F13A1: variants seen among roughly 807,000 people sequenced by gnomAD.
F13A1 encodes the protein FSF, A subunit.
F13A1 carries 47 observed loss-of-function variants against 80.1 expected under a neutral mutation model. That is an observed-to-expected ratio of 0.59 (90% CI 0.46 to 0.75). The LOEUF is 0.75. Among genes scored for constraint, F13A1 ranks in the 30% least tolerant of loss-of-function variants. The probability of loss-of-function intolerance (pLI) is 0.00; values close to 1 mark genes in which losing one functional copy is unlikely to be tolerated. For missense variants in F13A1, 817 were observed against 930.4 expected (o/e 0.88, Z 1.59); for synonymous variants, 349 against 344.9 (o/e 1.01, Z -0.13).
At chr6:6,151,642 G>A (rs1760377249) in intron 14 of F13A1, among the ~76,000 whole-genome samples, 171 bp downstream of exon 14, 2 of 152,148 alleles carry the variant, frequency 1.3e-5, no homozygotes, top group African/African-American at 4.8e-5. Flanking sequence ...GAAAGTGCTG[G>A]TCAAACCAAC....
intron 6 of F13A1, among the ~76,000 whole-genome samples, chr6:6,247,161 G>A (rs1319773302): frequency 6.6e-6 from 1 of 152,054 alleles, no homozygotes; most frequent in Non-Finnish European, 1.5e-5. Flanking sequence ...AAATTCACAT[G>A]TAGCTTAGTT....
intron 3 of F13A1, among the ~76,000 whole-genome samples, chr6:6,272,871 C>A (rs1757941230): frequency 1.3e-5 from 2 of 152,180 alleles, no homozygotes; most frequent in Non-Finnish European, 2.9e-5. Flanking sequence ...TTCTTTAAAT[C>A]AATAGAATAA....
At chr6:6,285,679 T>G (rs895315384) in intron 3 of F13A1, among the ~76,000 whole-genome samples, 1 of 152,178 alleles carries the variant, frequency 6.6e-6, no homozygotes, top group African/African-American at 2.4e-5. Flanking sequence ...AGGAGAGGGC[T>G]TCCCCCACTA....
intron 2 of F13A1, among the ~76,000 whole-genome samples, chr6:6,310,216 A>T (rs1320454688): frequency 6.6e-6 from 1 of 152,192 alleles, no homozygotes; most frequent in Non-Finnish European, 1.5e-5. Context: ...ACCAAAGCTG[A>T]TCAGGATTCT....
At chr6:6,208,609 A>G (rs946441353) in intron 8 of F13A1, among the ~76,000 whole-genome samples, 2 of 152,198 alleles carry the variant, frequency 1.3e-5, no homozygotes, top group Non-Finnish European at 2.9e-5. Context: ...CATCATATTC[A>G]AACTGTCAAA....
At chr6:6,313,279 C>CTTTTTTTTTTTTTTTTTTT (rs1331326098) in intron 2 of F13A1, among the ~76,000 whole-genome samples, 2 of 100,350 alleles carry the variant, frequency 2.0e-5, no homozygotes, top group African/African-American at 8.9e-5. Flanking sequence ...TGCTAAGCCG[C>CTTTTTTTTTTTTTTTTTTT]CTTTTTTTTT....
rs1256805635 is a variant in F13A1 at position 6,316,143 on chromosome 6, A to G, written c.130+2392T>C. On this transcript the variant is annotated intron_variant, in intron 2 of 14. Transcript: ENST00000264870. The stretch of plus-strand genomic sequence containing the variant: ...TATATATATATATATATATATATAT[A>G]GTTTTTTTCCTGTCCTTCTCATCTG... Among the ~76,000 whole-genome samples the G allele has an allele frequency of 1.0e-4, 6 of 57,316 alleles. No homozygotes were observed. The South Asian group carries it at 2.4e-3, about 23-fold the overall frequency. The allele number at this position is 57,316 out of a possible 152,430, so 37.6% of individuals were successfully genotyped here. A position where few individuals can be genotyped will look rare whatever the true frequency, so the allele number is the denominator to read the frequency against.
At chr6:6,233,021 A>T (rs1757372775) in intron 6 of F13A1, among the ~76,000 whole-genome samples, 2 of 152,258 alleles carry the variant, frequency 1.3e-5, no homozygotes, top group South Asian at 4.1e-4. Context: ...GCAAACTGAC[A>T]TTCTAAGGTT....
chr6:6,295,193 C>T (rs1158085403), intron 3 of F13A1, among the ~76,000 whole-genome samples: 5 of 145,700 alleles, frequency 3.4e-5, no homozygotes, highest in African/African-American at 8.0e-5. Context: ...TGAATAATGC[C>T]GCAATAAACA....
rs1760379386 is a variant in F13A1, at chr6:6,151,729, G to A, written c.2045+84C>T. On this transcript the variant is annotated intron_variant, in intron 14 of 14. Transcript: ENST00000264870. ...TCCAAGACATTTTCACTGGGGAGCA[G>A]ATCTATGTTTGGAAAAGACACACAC... The A allele has an allele frequency of 1.1e-5, 17 of 1,573,548 alleles. 1 individual carries two copies. In the Admixed American group the frequency reaches 2.5e-4, roughly 23 times the overall value.
chr6:6,275,649 G>T (rs111626091), intron 3 of F13A1, among the ~76,000 whole-genome samples: 1 of 152,184 alleles, frequency 6.6e-6, no homozygotes, highest in Non-Finnish European at 1.5e-5. Flanking sequence ...GATTACAGGC[G>T]TGAGCCACTG....
At chr6:6,320,108 AAGG>A (rs1258148469) in intron 1 of F13A1, among the ~76,000 whole-genome samples, 34 of 152,184 alleles carry the variant, frequency 2.2e-4, no homozygotes, top group Admixed American at 5.2e-4. Flanking sequence ...GGGCGGGTCT[AAGG>A]AGGAGAAGTG....
chr6:6,154,334 G>A (rs1760437531), intron 13 of F13A1, among the ~76,000 whole-genome samples: 1 of 152,198 alleles, frequency 6.6e-6, no homozygotes, highest in Admixed American at 6.5e-5. Flanking sequence ...CACATGGGGT[G>A]TGGAGAGAGA....
intron 8 of F13A1, among the ~76,000 whole-genome samples, chr6:6,218,997 A>G (rs1036435838): frequency 6.6e-6 from 1 of 152,290 alleles, no homozygotes; most frequent in East Asian, 1.9e-4. Flanking sequence ...AAACTGATTC[A>G]TCACAAACTG....
intron 8 of F13A1, among the ~76,000 whole-genome samples, chr6:6,211,225 G>A (rs1761602601): frequency 6.6e-6 from 1 of 152,196 alleles, no homozygotes; most frequent in Non-Finnish European, 1.5e-5. Context: ...GCAAAAAAAA[G>A]TATTTTTGTG....
chr6:6,210,830 G>C (rs1761594275), intron 8 of F13A1, among the ~76,000 whole-genome samples: 1 of 151,786 alleles, frequency 6.6e-6, no homozygotes, highest in South Asian at 2.1e-4. Context: ...CCAGGTTCAA[G>C]TGATTCTCCT....
In F13A1 at chr6:6,253,142, CA is replaced by C. The variant is rs397886568; in HGVS notation, c.572-2214del. Among the ~76,000 whole-genome samples the C allele has an allele frequency of 3.9e-3, 290 of 73,980 alleles. 1 individual carries two copies. Among genetic ancestry groups the C allele is most frequent in the East Asian group, 0.021 (42 of 1,970 alleles). 48.5% of individuals were successfully genotyped at this position (73,980 alleles called of 152,430 possible). A position where few individuals can be genotyped will look rare whatever the true frequency, so the allele number is the denominator to read the frequency against. The stretch of plus-strand genomic sequence containing the variant: ...TGGGCAACAGAGCTAGAATCTGTCC[CA>C]AAAAAAAAAAAAAAAAAAAAGAGAG... On this transcript the variant is annotated intron_variant, in intron 4 of 14. Transcript: ENST00000264870.
At chr6:6,273,911 G>GAA (rs1299056370) in intron 3 of F13A1, among the ~76,000 whole-genome samples, 3 of 152,092 alleles carry the variant, frequency 2.0e-5, no homozygotes, top group Admixed American at 2.0e-4. Context: ...CACCAAAAAA[G>GAA]AAACAATCAA....
Position 6,151,828 on chromosome 6 carries a change from A to G in F13A1, c.2030T>C (p.Met677Thr), listed in dbSNP as rs911743789. The change falls in exon 14 of 15, where the codon ATG becomes ACG. Residue 677 changes from methionine to threonine, a missense_variant. Coordinates refer to ENST00000264870, the MANE Select transcript of F13A1 (RefSeq NM_000129.4). ...CAAGGTTTACCGGAACATCTTCTTCATTGGTCTTGTTACTCCAGGACCATC... is the reference window on the plus strand; with the variant it reads ...CAAGGTTTACCGGAACATCTTCTTCGTTGGTCTTGTTACTCCAGGACCATC... ...HLDGPGVTRP[M>T]KKMFREIRPN... The G allele has an allele frequency of 2.5e-6, 4 of 1,613,956 alleles. No homozygotes were observed. In the African/African-American group the frequency reaches 4.0e-5, roughly 16 times the overall value.
Sources: allele counts gnomAD v4.1 joint callset (sites outside exome capture counted in the v4.1 genomes callset), GRCh38; gene constraint gnomAD v4.1.1; transcripts MANE v1.5; gene names NCBI Gene and HGNC (gene_info 2026-07-23, HGNC 2026-07-21).